The following HIVEP1 variants were observed in gnomAD, a reference collection of about 807,000 sequenced individuals.
The protein encoded by HIVEP1 is zinc finger protein 40.
HIVEP1 carries 36 observed loss-of-function variants against 180.0 expected under a neutral mutation model. That is an observed-to-expected ratio of 0.20 (90% CI 0.15 to 0.26). HIVEP1 has a LOEUF of 0.26. HIVEP1 is among the 10% of genes least tolerant of loss of function. HIVEP1 has a pLI of 1.00. For missense variants in HIVEP1, 3,143 were observed against 3,268.7 expected (o/e 0.96, Z 0.94); for synonymous variants, 1,239 against 1,239.0 (o/e 1.00, Z 0.00).
chr6:12,011,727 T>C (rs1767323908), upstream of HIVEP1, among the ~76,000 whole-genome samples: 1 of 147,366 alleles, frequency 6.8e-6, no homozygotes, highest in African/African-American at 2.5e-5. Context: ...GGGCACTGGC[T>C]CCGGGTTCGT....
intron 7 of HIVEP1, among the ~76,000 whole-genome samples, chr6:12,149,618 G>T (rs72828105): frequency 0.011 from 1,723 of 152,296 alleles, 17 homozygotes; most frequent in Middle Eastern, 0.02. Context: ...TGCTGTGTTT[G>T]TGCTGAGTTG....
the HIVEP1 span, among the ~76,000 whole-genome samples, chr6:12,198,932 G>T: frequency 6.6e-6 from 1 of 152,178 alleles, no homozygotes; most frequent in East Asian, 1.9e-4. Flanking sequence ...AACGACAGAC[G>T]CAAGAAGACC....
At chr6:12,142,972 C>T (rs1759143055) in intron 7 of HIVEP1, among the ~76,000 whole-genome samples, 2 of 152,188 alleles carry the variant, frequency 1.3e-5, no homozygotes, top group Admixed American at 6.5e-5. Flanking sequence ...GGAGCTGGTA[C>T]CATTCCTTCT....
the HIVEP1 span, among the ~76,000 whole-genome samples, chr6:12,202,206 G>C: frequency 6.6e-6 from 1 of 151,992 alleles, no homozygotes; most frequent in Admixed American, 6.6e-5. Flanking sequence ...CCAGGCTGGA[G>C]TGCGGTGGTG....
chr6:12,060,895 G>A (rs1771184979), intron 2 of HIVEP1, among the ~76,000 whole-genome samples: 1 of 152,170 alleles, frequency 6.6e-6, no homozygotes, highest in South Asian at 2.1e-4. Context: ...TGTTGTGACT[G>A]CTGACATTTG....
chr6:12,161,392 G>A, intron 7 of HIVEP1, 47 bp from the exon 8 acceptor site: 7 of 1,552,556 alleles, frequency 4.5e-6, no homozygotes, highest in Non-Finnish European at 6.1e-6. Context: ...TAGCACTTGT[G>A]CACTTGGAAA....
chr6:12,165,224 A>G, downstream of HIVEP1: 1 of 447,506 alleles, frequency 2.2e-6, no homozygotes, highest in East Asian at 6.4e-5. Context: ...TTATTATTAG[A>G]AGACTAAATA....
intron 2 of HIVEP1, among the ~76,000 whole-genome samples, chr6:12,088,797 A>C (rs1395090199): frequency 3.3e-5 from 5 of 152,058 alleles, no homozygotes; most frequent in Non-Finnish European, 2.9e-5. Flanking sequence ...AGCTTTGCTT[A>C]ATCTGGTTGT....
At chr6:12,056,864 T>G (rs1770911885) in intron 2 of HIVEP1, among the ~76,000 whole-genome samples, 2 of 151,458 alleles carry the variant, frequency 1.3e-5, no homozygotes. Context: ...TCAAACAGAA[T>G]CTTGCTTTGT....
intron 2 of HIVEP1, among the ~76,000 whole-genome samples, chr6:12,030,612 A>T (rs1431289102): frequency 6.6e-6 from 1 of 152,070 alleles, no homozygotes; most frequent in Admixed American, 6.5e-5. Context: ...TAGAATTTCT[A>T]TTTGCTTCTC....
At position 12,123,052 on chromosome 6, in the gene HIVEP1, T is replaced by G. The variant is rs888821087; in HGVS notation, c.3257T>G (p.Ile1086Arg). 1 of 1,614,040 alleles carries G rather than the reference T, an allele frequency of 6.2e-7. No individual in the cohort carries two copies. The highest frequency in any genetic ancestry group is 1.3e-5 in the African/African-American group (1 of 74,906). ...AGAAGTGACCAGCAGCATAAAAATA[T>G]ACAGTTGCAAAACTCCCATATTCAC... ...TIRSDQQHKN[I>R]QLQNSHIHLV... The change falls in exon 4 of 9, where the codon ATA (isoleucine) becomes AGA (arginine). Residue 1086 changes from isoleucine (I) to arginine (R), a missense_variant. This residue lies in a region of HIVEP1 where 1,357 missense variants were observed against 1,260.5 expected (regional missense o/e 1.08). Coordinates refer to ENST00000379388, the MANE Select transcript of HIVEP1 (RefSeq NM_002114.4).
chr6:12,187,850 T>C, the HIVEP1 span, among the ~76,000 whole-genome samples: 369 of 152,232 alleles, frequency 2.4e-3, 2 homozygotes, highest in African/African-American at 8.3e-3. Flanking sequence ...CTTCCCAAAG[T>C]GTTGGGATTA....
intron 3 of HIVEP1, among the ~76,000 whole-genome samples, chr6:12,105,125 A>G (rs1395578234): frequency 6.6e-6 from 1 of 152,212 alleles, no homozygotes; most frequent in African/African-American, 2.4e-5. Flanking sequence ...AGGAGAACTG[A>G]CAATCTAAGA....
Position 12,140,566 on chromosome 6 carries a change from C to G in HIVEP1, c.6487+4674C>G, listed in dbSNP as rs972520299. Among the ~76,000 whole-genome samples the G allele has an allele frequency of 2.8e-4, 42 of 152,168 alleles. 1 individual carries two copies. On this transcript the variant is annotated intron_variant, in intron 7 of 8. Coordinates refer to ENST00000379388, the MANE Select transcript of HIVEP1 (RefSeq NM_002114.4). ...GCTTCAGAAGGTCAGTAATAACAAA[C>G]TTTTCCAAGCTAAAGGAGGATGTTT...
chr6:12,116,422 G>A (rs1336490828), intron 3 of HIVEP1, among the ~76,000 whole-genome samples: 1 of 151,916 alleles, frequency 6.6e-6, no homozygotes, highest in Non-Finnish European at 1.5e-5. Flanking sequence ...GTATGGAGAG[G>A]CAGGCACCTT....
upstream of HIVEP1, among the ~76,000 whole-genome samples, chr6:12,011,282 CCCGCCTCCCCCT>C (rs1251126552): frequency 2.3e-4 from 24 of 106,556 alleles, no homozygotes; most frequent in African/African-American, 5.8e-4. Context: ...CCCCCCCCCC[CCCGCCTCCCCCT>C]CCCCCATTCT....
intron 2 of HIVEP1, among the ~76,000 whole-genome samples, chr6:12,078,274 G>A (rs905898119): frequency 6.6e-6 from 1 of 152,114 alleles, no homozygotes; most frequent in African/African-American, 2.4e-5. Flanking sequence ...AGTCTCGGTG[G>A]TCTGTGTTTC....
At chr6:12,174,115 A>C in the HIVEP1 span, among the ~76,000 whole-genome samples, 1 of 152,182 alleles carries the variant, frequency 6.6e-6, no homozygotes, top group African/African-American at 2.4e-5. Flanking sequence ...CATGCAGTCT[A>C]CTTATTATTC....
intron 7 of HIVEP1, among the ~76,000 whole-genome samples, chr6:12,160,015 C>T (rs1760299641): frequency 6.6e-6 from 1 of 152,142 alleles, no homozygotes; most frequent in South Asian, 2.1e-4. Context: ...CAGCCTATTG[C>T]TTGTTGCTCT....
Sources: gnomAD v4.1 joint callset for allele counts (sites outside exome capture counted in the v4.1 genomes callset) on GRCh38, gnomAD v4.1.1 for gene constraint, gnomAD v4.1.1 regional missense constraint, MANE v1.5 for transcripts, NCBI Gene and HGNC (gene_info 2026-07-23, HGNC 2026-07-21) for gene names.